The following KMT2C variants were observed in gnomAD, a reference collection of about 807,000 sequenced individuals.
The protein encoded by KMT2C is lysine methyltransferase 2C.
KMT2C carries 88 observed loss-of-function variants against 507.9 expected under a neutral mutation model. That is an observed-to-expected ratio of 0.17 (90% CI 0.15 to 0.21). The LOEUF (loss-of-function observed/expected upper bound fraction) is 0.21, where lower values mean the gene tolerates loss of function less well. KMT2C is among the 10% of genes least tolerant of loss of function. KMT2C has a pLI of 1.00. For missense variants in KMT2C, 4,954 were observed against 5,957.8 expected (o/e 0.83, Z 5.55); for synonymous variants, 2,049 against 2,080.8 (o/e 0.98, Z 0.42).
In KMT2C at chr7:152,187,266, G is replaced by T. The variant is rs2093655653; in HGVS notation, c.5004C>A (p.Phe1668Leu). The T allele has an allele frequency of 1.9e-6, 3 of 1,611,660 alleles. No homozygotes were observed. Among genetic ancestry groups the T allele is most frequent in the Non-Finnish European group, 2.5e-6 (3 of 1,177,896 alleles). Residue 1668 changes from phenylalanine (F) to leucine (L), a missense_variant, in exon 33 of 59, where the codon TTC becomes TTA. Phe to Leu is a conservative substitution (Grantham distance 22). Around this residue, in one of 29 missense-constraint regions of KMT2C, gnomAD observed 24 missense variants for 52.9 expected, o/e 0.45. Transcript: ENST00000262189. ...AATAATATATTCATGGCTTACCAGG[G>T]AATTCTTCCTTTAAGTTGGGGAAAT... ...NINFPNLKEEFPDWTTRVKQI... is the reference protein window; with the variant it reads ...NINFPNLKEELPDWTTRVKQI...
chr7:152,283,946 C>G (rs933633848), intron 6 of KMT2C, among the ~76,000 whole-genome samples: 2 of 151,928 alleles, frequency 1.3e-5, no homozygotes, highest in Non-Finnish European at 2.9e-5. Context: ...CACTAGTAAA[C>G]TCAAAAAAAG....
At chr7:152,345,429 G>C (rs2097048871) in intron 2 of KMT2C, among the ~76,000 whole-genome samples, 1 of 152,144 alleles carries the variant, frequency 6.6e-6, no homozygotes, top group African/African-American at 2.4e-5. Flanking sequence ...GTGATACAGT[G>C]AGATTCTGTC....
At chr7:152,340,835 A>G (rs1466700095) in intron 2 of KMT2C, among the ~76,000 whole-genome samples, 1 of 152,204 alleles carries the variant, frequency 6.6e-6, no homozygotes, top group Admixed American at 6.5e-5. Context: ...ACTTGTCAAA[A>G]GCCAAAAAAT....
At position 152,183,200 on chromosome 7, in the gene KMT2C, T is replaced by C. The variant is rs777515896; in HGVS notation, c.5083-44A>G. The C allele has an allele frequency of 2.1e-6, 3 of 1,407,568 alleles. No individual in the cohort carries two copies. The South Asian group carries it at 4.1e-5, about 19-fold the overall frequency. 87.2% of individuals were successfully genotyped at this position (1,407,568 alleles called of 1,614,324 possible). A position where few individuals can be genotyped will look rare whatever the true frequency, so the allele number is the denominator to read the frequency against. On this transcript the variant is annotated intron_variant, in intron 34 of 58. Transcript: ENST00000262189. Reference sequence around the variant, plus strand: ...AAAAAATTTCCCAGATTATGTTAAATGTTTTAAGGAATAAAATAAAACTAT... The same window carrying C: ...AAAAAATTTCCCAGATTATGTTAAACGTTTTAAGGAATAAAATAAAACTAT...
rs751089953 is a variant in KMT2C, at chr7:152,181,998, A to C, written c.5862T>G (p.Ser1954=). ...NRPSPVRDLC[S]SSTTNNDPYA... is the part of the protein sequence containing the mutation. ...AGGGGTCATTATTTGTCGTGGAAGA[A>C]GAACATAAATCTCTGACAGGGGATG... is the stretch of plus-strand genomic sequence containing the variant. The change falls in exon 36 of 59, where the codon TCT becomes TCG. Residue 1954 remains serine, a synonymous_variant. Transcript: ENST00000262189. The C allele has an allele frequency of 1.2e-6, 2 of 1,614,216 alleles. No homozygotes were observed. Among genetic ancestry groups the C allele is most frequent in the East Asian group, 4.5e-5 (2 of 44,884 alleles).
Position 152,154,304 on chromosome 7 carries a change from G to C in KMT2C, c.12102C>G (p.Ser4034=), listed in dbSNP as rs748586025. ...VKEEPPEPVP[S]PIIPILPSTA... ...TGCTAGGAAGAATTGGAATGATGGG[G>C]GACGGCACCGGTTCTGGAGGCTCCT... The change falls in exon 47 of 59, where the codon TCC becomes TCG. Residue 4034 remains serine, a synonymous_variant. Transcript: ENST00000262189. 3 of 1,614,160 alleles carry C rather than the reference G, an allele frequency of 1.9e-6. No individual in the cohort carries two copies. The highest frequency in any genetic ancestry group is 3.3e-5 in the Admixed American group (2 of 60,024).
chr7:152,212,877 C>T (rs897325333), intron 23 of KMT2C, among the ~76,000 whole-genome samples: 6 of 152,332 alleles, frequency 3.9e-5, no homozygotes, highest in African/African-American at 1.2e-4. Flanking sequence ...CCTGTCTCTA[C>T]TAAAAATACA....
intron 3 of KMT2C, among the ~76,000 whole-genome samples, chr7:152,319,834 T>G (rs186548222): frequency 1.3e-5 from 2 of 152,164 alleles, no homozygotes; most frequent in African/African-American, 4.8e-5. Context: ...CCCTCTCCCT[T>G]TCCCTCTCTC....
chr7:152,255,219 T>C (rs2129168611), intron 9 of KMT2C, among the ~76,000 whole-genome samples: 1 of 147,490 alleles, frequency 6.8e-6, no homozygotes, highest in South Asian at 2.2e-4. Context: ...CAGGCTGGAA[T>C]ACAGTAGCAT....
intron 9 of KMT2C, among the ~76,000 whole-genome samples, chr7:152,254,729 A>C (rs2095617218): frequency 6.6e-6 from 1 of 152,206 alleles, no homozygotes; most frequent in Non-Finnish European, 1.5e-5. Flanking sequence ...CAATGCAAGC[A>C]TTGAAACAAA....
chr7:152,273,876 G>C lies in KMT2C; in HGVS notation c.850-9C>G. The stretch of plus-strand genomic sequence containing the variant: ...TTACAAAATGCACATCGCTGAAAGG[G>C]GTAAAGGAGAGAAATCTCTTTATAA... On this transcript the variant is annotated splice_polypyrimidine_tract_variant and intron_variant, in intron 6 of 58. Transcript: ENST00000262189. The C allele has an allele frequency of 1.2e-6, 2 of 1,609,044 alleles. No individual in the cohort carries two copies. The highest frequency in any genetic ancestry group is 8.5e-7 in the Non-Finnish European group (1 of 1,176,628).
intron 6 of KMT2C, among the ~76,000 whole-genome samples, chr7:152,294,435 TA>T (rs1344552561): frequency 6.6e-6 from 1 of 152,148 alleles, no homozygotes; most frequent in Non-Finnish European, 1.5e-5. Flanking sequence ...AGAGACAGAT[TA>T]AGAAGTGAAG....
At chr7:152,137,024 G>A in intron 58 of KMT2C, 100 bp from the exon 59 acceptor site, 1 of 881,612 alleles carries the variant, frequency 1.1e-6, no homozygotes, top group Middle Eastern at 3.3e-4. Flanking sequence ...AAACGAAACA[G>A]ACGTAAATTA....
At chr7:152,205,283 T>C in intron 24 of KMT2C, 58 bp from the exon 25 acceptor site, 9 of 1,474,500 alleles carry the variant, frequency 6.1e-6, no homozygotes, top group Non-Finnish European at 7.5e-6. Context: ...ATTTCCACAG[T>C]ACACAGGATA....
Position 152,180,072 on chromosome 7 carries a change from C to T in KMT2C, c.7204G>A (p.Gly2402Ser), listed in dbSNP as rs2129118275. 6.2e-7 allele frequency: 1 copy of T among 1,614,176 alleles called. No individual in the cohort carries two copies. The highest frequency in any genetic ancestry group is 8.5e-7 in the Non-Finnish European group (1 of 1,180,036). ...LQQQQQKKIA[G>S]RQEKGSQDSP... ...TCCTGTGACCCCTTCTCCTGTCGAC[C>T]TGCAATCTTCTTCTGCTGTTGCTGC... The change falls in exon 37 of 59, where the codon GGT becomes AGT. Residue 2402 changes from glycine (G) to serine (S), a missense_variant. Gly to Ser is a moderately conservative substitution (Grantham distance 56). Coordinates refer to ENST00000262189, the MANE Select transcript of KMT2C (RefSeq NM_170606.3).
chr7:152,314,270 A>G (rs1161917529), intron 4 of KMT2C, among the ~76,000 whole-genome samples: 1 of 152,192 alleles, frequency 6.6e-6, no homozygotes, highest in African/African-American at 2.4e-5. Context: ...TTTAGTACTT[A>G]AATTTGGATA....
intron 6 of KMT2C, among the ~76,000 whole-genome samples, chr7:152,306,006 C>A (rs1447103451): frequency 6.6e-6 from 1 of 152,178 alleles, no homozygotes; most frequent in African/African-American, 2.4e-5. Flanking sequence ...CAAATTAACT[C>A]ATACATATGC....
At position 152,205,143 on chromosome 7, in the gene KMT2C, T is replaced by G; in HGVS notation, c.3924A>C (p.Ser1308=). Residue 1308 remains serine (S), a synonymous_variant, in exon 25 of 59, where the codon TCA becomes TCC. Coordinates refer to ENST00000262189, the MANE Select transcript of KMT2C (RefSeq NM_170606.3). ...AAGGTAACTGCTCGGAAATAGAGCC[T>G]GAGGAATCTTTTCTGATCACAGATC... ...TKRSVIRKDS[S]GSISEQLPCR... is the part of the protein sequence containing the mutation. 3.1e-6 allele frequency: 5 copies of G among 1,612,690 alleles called. No homozygotes were observed. The highest frequency in any genetic ancestry group is 4.2e-6 in the Non-Finnish European group (5 of 1,179,092).
Position 152,330,741 on chromosome 7 carries a change from T to C in KMT2C, c.251-2A>G. 1 of 1,613,576 alleles carries C rather than the reference T, an allele frequency of 6.2e-7. No individual in the cohort carries two copies. The highest frequency in any genetic ancestry group is 8.5e-7 in the Non-Finnish European group (1 of 1,179,768). ...CTTCTGCAGATTGTTCTTTGATTTC[T>C]GCTTAACAGTAAACAAGAGAAAACA... On this transcript the variant is annotated splice_acceptor_variant, in intron 2 of 58. Transcript: ENST00000262189. LOFTEE classifies it high-confidence loss of function.
Sources: gnomAD v4.1 joint callset for allele counts (sites outside exome capture counted in the v4.1 genomes callset) on GRCh38, gnomAD v4.1.1 for gene constraint, gnomAD v4.1.1 regional missense constraint, MANE v1.5 for transcripts, NCBI Gene and HGNC (gene_info 2026-07-23, HGNC 2026-07-21) for gene names.